The following CPNE4 variants were observed in gnomAD, a reference collection of about 807,000 sequenced individuals.
CPNE4 encodes the protein copine 4.
CPNE4 carries 25 observed loss-of-function variants against 67.9 expected under a neutral mutation model. That is an observed-to-expected ratio of 0.37 (90% CI 0.27 to 0.51). The LOEUF (loss-of-function observed/expected upper bound fraction) is 0.51, where lower values mean the gene tolerates loss of function less well. Ranked by LOEUF, CPNE4 falls within the 20% of genes least tolerant of loss-of-function variation. The probability of loss-of-function intolerance (pLI) is 0.93; values close to 1 mark genes in which losing one functional copy is unlikely to be tolerated. For missense variants in CPNE4, 464 were observed against 690.8 expected, an observed-to-expected ratio of 0.67 and a Z score of 3.68; for synonymous variants, 242 against 244.9, an observed-to-expected ratio of 0.99 and a Z score of 0.11.
intron 7 of CPNE4, among the ~76,000 whole-genome samples, chr3:131,638,991 A>C (rs576280095): frequency 6.6e-6 from 1 of 152,238 alleles, no homozygotes; most frequent in African/African-American, 2.4e-5. Flanking sequence ...ACCTATCAAA[A>C]CCTCTGGGAT....
intron 2 of CPNE4, among the ~76,000 whole-genome samples, chr3:131,752,178 A>G (rs2082645866): frequency 6.6e-6 from 1 of 151,936 alleles, no homozygotes; most frequent in Non-Finnish European, 1.5e-5. Flanking sequence ...CCAGCTCCCT[A>G]CTTAGCATTT....
intron 1 of CPNE4, among the ~76,000 whole-genome samples, chr3:132,015,128 T>C (rs1191676038): frequency 6.6e-6 from 1 of 152,210 alleles, no homozygotes; most frequent in Non-Finnish European, 1.5e-5. Context: ...TCAAAGAAGT[T>C]ATACTCTGAT....
chr3:131,792,925 G>GTGTGTGTGTATATA lies in CPNE4; in HGVS notation c.181-69301_181-69300insTATATACACACACA, dbSNP rs58502463. Among the ~76,000 whole-genome samples, 198 of 135,226 alleles carry GTGTGTGTGTATATA rather than the reference G, an allele frequency of 1.5e-3. 1 individual carries two copies. Among genetic ancestry groups the GTGTGTGTGTATATA allele is most frequent in the African/African-American group, 5.0e-3 (175 of 34,986 alleles). 88.7% of individuals were successfully genotyped at this position (135,226 alleles called of 152,430 possible). On this transcript the variant is annotated intron_variant, in intron 2 of 15. Coordinates refer to ENST00000429747, the MANE Select transcript of CPNE4 (RefSeq NM_130808.3). The stretch of plus-strand genomic sequence containing the variant: ...TGTGTGTGTGTGTGTGTGTGTGTGT[G>GTGTGTGTGTATATA]TATCTCCAACAAAACATGCCAAAAC...
At chr3:131,777,410 G>C (rs2083317752) in intron 2 of CPNE4, among the ~76,000 whole-genome samples, 1 of 150,108 alleles carries the variant, frequency 6.7e-6, no homozygotes, top group African/African-American at 2.5e-5. Flanking sequence ...CAAGAATTCA[G>C]GAATTTCAAA....
intron 1 of CPNE4, among the ~76,000 whole-genome samples, chr3:132,016,711 A>G (rs989194811): frequency 3.3e-5 from 5 of 152,078 alleles, no homozygotes; most frequent in African/African-American, 1.2e-4. Flanking sequence ...AACCTAGTTT[A>G]CTCTCCTTCT....
At chr3:131,569,673 A>G (rs1434565533) in intron 10 of CPNE4, among the ~76,000 whole-genome samples, 1 of 151,484 alleles carries the variant, frequency 6.6e-6, no homozygotes, top group African/African-American at 2.4e-5. Flanking sequence ...CAAAAAAAAA[A>G]AGAAGAAAGG....
At chr3:131,773,091 A>G (rs905015774) in intron 2 of CPNE4, among the ~76,000 whole-genome samples, 1 of 152,156 alleles carries the variant, frequency 6.6e-6, no homozygotes, top group African/African-American at 2.4e-5. Context: ...AGAATGTCAT[A>G]AAATCCAGCA....
chr3:131,813,407 CGT>C (rs1416143025), intron 2 of CPNE4, among the ~76,000 whole-genome samples: 5 of 148,774 alleles, frequency 3.4e-5, no homozygotes, highest in Non-Finnish European at 5.9e-5. Flanking sequence ...TATATACAAA[CGT>C]ATATATGTAT....
At chr3:131,604,922 G>A (rs965545910) in intron 7 of CPNE4, among the ~76,000 whole-genome samples, 1 of 152,100 alleles carries the variant, frequency 6.6e-6, no homozygotes, top group African/African-American at 2.4e-5. Context: ...CGCCTAAGAA[G>A]TACATACCTT....
At chr3:131,621,364 C>G (rs1484571881) in intron 7 of CPNE4, among the ~76,000 whole-genome samples, 1 of 152,146 alleles carries the variant, frequency 6.6e-6, no homozygotes, top group Non-Finnish European at 1.5e-5. Flanking sequence ...CCTGCCTCAG[C>G]CTCTGGAGTA....
chr3:131,843,992 T>G (rs1238198135), intron 2 of CPNE4, among the ~76,000 whole-genome samples: 1 of 152,132 alleles, frequency 6.6e-6, no homozygotes, highest in Non-Finnish European at 1.5e-5. Context: ...TGCTAGAAGA[T>G]GTGGGAAGCA....
chr3:131,991,557 G>A (rs2073174473), intron 1 of CPNE4, among the ~76,000 whole-genome samples: 1 of 135,962 alleles, frequency 7.4e-6, no homozygotes, highest in African/African-American at 2.5e-5. Context: ...ATTTCTAAGT[G>A]GCAGAGCATT....
intron 1 of CPNE4, among the ~76,000 whole-genome samples, chr3:131,984,004 A>ATTCT (rs1317927009): frequency 4.6e-5 from 7 of 152,288 alleles, no homozygotes; most frequent in African/African-American, 1.7e-4. Context: ...AGCAACCAGA[A>ATTCT]GCATTTTGCC....
chr3:131,752,912 T>C (rs915996538), intron 2 of CPNE4, among the ~76,000 whole-genome samples: 1 of 151,866 alleles, frequency 6.6e-6, no homozygotes, highest in African/African-American at 2.4e-5. Flanking sequence ...CAAATTTATA[T>C]CAAAGAAGAA....
At chr3:131,656,402 G>A (rs1490403530) in intron 7 of CPNE4, among the ~76,000 whole-genome samples, 2 of 152,154 alleles carry the variant, frequency 1.3e-5, no homozygotes, top group South Asian at 2.1e-4. Flanking sequence ...ATCGATATAT[G>A]TGGAGATAAG....
chr3:131,770,068 T>C (rs1334646510), intron 2 of CPNE4, among the ~76,000 whole-genome samples: 1 of 152,136 alleles, frequency 6.6e-6, no homozygotes, highest in East Asian at 1.9e-4. Context: ...TTTCCATATA[T>C]AGGAGTTTTT....
intron 1 of CPNE4, among the ~76,000 whole-genome samples, chr3:131,986,850 A>T (rs2073058877): frequency 8.8e-6 from 1 of 113,708 alleles, no homozygotes; most frequent in Non-Finnish European, 1.8e-5. Flanking sequence ...AAACAAAAAA[A>T]AACAAAAACA....
At chr3:131,638,813 CA>C (rs2079462045) in intron 7 of CPNE4, among the ~76,000 whole-genome samples, 3 of 152,102 alleles carry the variant, frequency 2.0e-5, no homozygotes, top group Admixed American at 2.0e-4. Context: ...AAAATTATAT[CA>C]AGTACTCTCT....
intron 2 of CPNE4, among the ~76,000 whole-genome samples, chr3:131,891,070 A>G (rs1240074118): frequency 6.6e-6 from 1 of 152,082 alleles, no homozygotes; most frequent in African/African-American, 2.4e-5. Context: ...TATTAAGAGG[A>G]CAGATCTCAT....
Sources: allele counts gnomAD v4.1 joint callset (sites outside exome capture counted in the v4.1 genomes callset), GRCh38; gene constraint gnomAD v4.1.1; transcripts MANE v1.5; gene names NCBI Gene and HGNC (gene_info 2026-07-23, HGNC 2026-07-21).